NOS1: variants seen among roughly 807,000 people sequenced by gnomAD.
NOS1 encodes the protein NOS type I.
A neutral mutation model predicts 164.5 loss-of-function variants in NOS1; 51 were observed. The observed-to-expected ratio is 0.31, with a 90% CI of 0.25 to 0.39. The LOEUF is 0.39. NOS1 is among the 10% of genes least tolerant of loss of function. NOS1 has a pLI of 1.00. For missense variants in NOS1, 1,362 were observed against 1,885.6 expected (o/e 0.72, Z 5.14); for synonymous variants, 719 against 745.8 (o/e 0.96, Z 0.59).
At chr12:117,264,129 G>T (rs1005762611) in intron 12 of NOS1, among the ~76,000 whole-genome samples, 155 bp from the exon 13 acceptor site, 1 of 136,652 alleles carries the variant, frequency 7.3e-6, no homozygotes, top group African/African-American at 2.7e-5. Context: ...TGGGGGAAGG[G>T]ATGCGGGGTT....
At position 117,220,026 on chromosome 12, in the gene NOS1, G is replaced by C. The variant is rs9658534; in HGVS notation, c.4170+49C>G. The C allele has an allele frequency of 2.4e-3, 3,685 of 1,537,704 alleles. 74 individuals carry two copies. In the African/African-American group the frequency reaches 0.043, roughly 18 times the overall value. On this transcript the variant is annotated intron_variant, in intron 27 of 28. Transcript: ENST00000317775. The stretch of plus-strand genomic sequence containing the variant: ...CAGGTTGGATGAAAAAGGGGGGATA[G>C]GAGAGTGGATGTAGGAAAAGGGACC...
intron 1 of NOS1, among the ~76,000 whole-genome samples, chr12:117,346,661 G>A (rs1279405766): frequency 6.6e-6 from 1 of 152,136 alleles, no homozygotes; most frequent in Non-Finnish European, 1.5e-5. Flanking sequence ...CCAAGGCCCA[G>A]CCCAGACCTA....
At chr12:117,247,232 A>G in intron 18 of NOS1, 116 bp downstream of exon 18, 2 of 826,048 alleles carry the variant, frequency 2.4e-6, no homozygotes, top group Non-Finnish European at 3.7e-6. Flanking sequence ...GGCTGGATAC[A>G]TGGGAGAGGT....
In NOS1 at chr12:117,263,542, T is replaced by C. The variant is rs1427779174; in HGVS notation, c.2222+347A>G. ...GGTCATAGTGGGAATGTTTACATCA[T>C]GGAAACTGGCAAACATGAAAATCAA... On this transcript the variant is annotated intron_variant, in intron 13 of 28. Transcript: ENST00000317775. Among the ~76,000 whole-genome samples the C allele has an allele frequency of 3.3e-5, 5 of 151,468 alleles. No individual in the cohort carries two copies. The South Asian group carries it at 8.3e-4, about 25-fold the overall frequency.
At position 117,243,199 on chromosome 12, in the gene NOS1, C is replaced by T. The variant is rs1405078254; in HGVS notation, c.2962+98G>A. Reference sequence around the variant, plus strand: ...GGACTGCACTAAAGGGAGATCAAAGCAATGAAGCCCATCTTCTCTAAGCAC... The same window carrying T: ...GGACTGCACTAAAGGGAGATCAAAGTAATGAAGCCCATCTTCTCTAAGCAC... On this transcript the variant is annotated intron_variant, in intron 19 of 28. Coordinates refer to ENST00000317775, the MANE Select transcript of NOS1 (RefSeq NM_000620.5). The surrounding 1 kb of genome is among the most constrained non-coding windows in gnomAD (Gnocchi z 4.3). 1 of 1,457,188 alleles carries T rather than the reference C, an allele frequency of 6.9e-7. No homozygotes were observed. The highest frequency in any genetic ancestry group is 2.3e-5 in the East Asian group (1 of 43,956). The allele number at this position is 1,457,188 out of a possible 1,614,324, so 90.3% of individuals were successfully genotyped here. A position where few individuals can be genotyped will look rare whatever the true frequency, so the allele number is the denominator to read the frequency against.
chr12:117,259,642 G>A (rs1017270369), intron 14 of NOS1, among the ~76,000 whole-genome samples: 3 of 152,122 alleles, frequency 2.0e-5, no homozygotes, highest in Non-Finnish European at 2.9e-5. Context: ...TCTCATCATC[G>A]TCTGAGCAAC....
chr12:117,319,198 T>G (rs1371095399), intron 2 of NOS1, among the ~76,000 whole-genome samples: 3 of 151,778 alleles, frequency 2.0e-5, no homozygotes, highest in Non-Finnish European at 4.4e-5. Flanking sequence ...ATTATAGGCA[T>G]GCACCACCAT....
At chr12:117,235,999 C>T (rs1869676262) in intron 20 of NOS1, among the ~76,000 whole-genome samples, 1 of 137,332 alleles carries the variant, frequency 7.3e-6, no homozygotes, top group South Asian at 2.7e-4. Context: ...GCAGAAACTG[C>T]ACCACTGCAT....
rs1224029647 is a variant in NOS1 at position 117,330,386 on chromosome 12, A to C, written c.684T>G (p.Pro228=). The change falls in exon 2 of 29, where the codon CCT becomes CCG. Residue 228 remains proline, a synonymous_variant. Coordinates refer to ENST00000317775, the MANE Select transcript of NOS1 (RefSeq NM_000620.5). The surrounding 1 kb of genome is among the most constrained non-coding windows in gnomAD (Gnocchi z 4.6). Reference sequence around the variant, plus strand: ...CCATATCTTTCATCTCTGCCTTGGCAGGTGCCCCTCCCTTGACCCCTCTGC... The same window carrying C: ...CCATATCTTTCATCTCTGCCTTGGCCGGTGCCCCTCCCTTGACCCCTCTGC... ...SGSRGVKGGA[P]AKAEMKDMGI... The C allele has an allele frequency of 6.2e-7, 1 of 1,613,760 alleles. No individual in the cohort carries two copies. The highest frequency in any genetic ancestry group is 8.5e-7 in the Non-Finnish European group (1 of 1,179,926).
In NOS1 at chr12:117,263,834, G is replaced by C. The variant is rs1872137932; in HGVS notation, c.2222+55C>G. On this transcript the variant is annotated intron_variant, in intron 13 of 28. Coordinates refer to ENST00000317775, the MANE Select transcript of NOS1 (RefSeq NM_000620.5). ...GGAGTCTGCCCAGCCTCCTTCTCTG[G>C]GTTCTCTGAGTTTGTGGGGACATCC... is the stretch of plus-strand genomic sequence containing the variant. 2.7e-5 allele frequency: 36 copies of C among 1,353,930 alleles called. No homozygotes were observed. The South Asian group carries it at 3.6e-4, about 14-fold the overall frequency. The allele number at this position is 1,353,930 out of a possible 1,614,324, so 83.9% of individuals were successfully genotyped here.
At chr12:117,281,348 C>T (rs1383623949) in intron 7 of NOS1, among the ~76,000 whole-genome samples, 9 of 149,498 alleles carry the variant, frequency 6.0e-5, no homozygotes, top group Admixed American at 2.0e-4. Context: ...AGTGAAACCC[C>T]GTCTCTACAA....
chr12:117,276,347 A>C (rs1241352231), intron 9 of NOS1, among the ~76,000 whole-genome samples: 1 of 152,204 alleles, frequency 6.6e-6, no homozygotes, highest in East Asian at 1.9e-4. Flanking sequence ...CACTGGCACA[A>C]CTTGGGCTCA....
chr12:117,240,994 C>T (rs181500453), intron 20 of NOS1, among the ~76,000 whole-genome samples: 181 of 148,244 alleles, frequency 1.2e-3, no homozygotes, highest in African/African-American at 4.1e-3. Context: ...GGCTGGAGTA[C>T]AGTGGTGCAA....
chr12:117,351,570 G>A (rs537525401), intron 1 of NOS1, among the ~76,000 whole-genome samples: 14 of 152,192 alleles, frequency 9.2e-5, no homozygotes, highest in Non-Finnish European at 1.8e-4. Context: ...TGCCCCTTGG[G>A]AGGAGGGATG....
intron 20 of NOS1, among the ~76,000 whole-genome samples, chr12:117,239,828 C>T (rs79667272): frequency 0.011 from 1,745 of 151,970 alleles, 16 homozygotes; most frequent in Non-Finnish European, 0.016. Flanking sequence ...GAGATAAACA[C>T]GGAGGTGTGA....
rs1870288085 is a variant in NOS1, at chr12:117,242,718, A to C, written c.2963-13T>G. ...ACATTGGATAGACCTGTGGGGAGAA[A>C]AACAACAGTCTTCCTGAGAAGGGGT... On this transcript the variant is annotated splice_polypyrimidine_tract_variant and intron_variant, in intron 19 of 28. Transcript: ENST00000317775. The C allele has an allele frequency of 6.2e-7, 1 of 1,612,636 alleles. No homozygotes were observed. Among genetic ancestry groups the C allele is most frequent in the Admixed American group, 1.7e-5 (1 of 59,996 alleles).
intron 12 of NOS1, 111 bp downstream of exon 12, chr12:117,265,205 T>G: frequency 1.1e-6 from 1 of 901,966 alleles, no homozygotes; most frequent in African/African-American, 1.7e-5. Context: ...ACCAGCCACA[T>G]GTGGCTATTG....
intron 2 of NOS1, among the ~76,000 whole-genome samples, chr12:117,321,621 GC>G (rs1383100330): frequency 6.6e-6 from 1 of 152,120 alleles, no homozygotes; most frequent in Non-Finnish European, 1.5e-5. Flanking sequence ...GTTCAAGTGG[GC>G]AAGATCAGAA....
intron 3 of NOS1, among the ~76,000 whole-genome samples, chr12:117,302,485 G>A (rs912529806): frequency 1.3e-5 from 2 of 151,368 alleles, no homozygotes; most frequent in African/African-American, 4.9e-5. Flanking sequence ...TCCCAGCTAC[G>A]CGGGAGGCTG....
Sources: allele counts gnomAD v4.1 joint callset (sites outside exome capture counted in the v4.1 genomes callset), GRCh38; gene constraint gnomAD v4.1.1; non-coding constraint Gnocchi (gnomAD v3.1); transcripts MANE v1.5; gene names NCBI Gene and HGNC (gene_info 2026-07-23, HGNC 2026-07-21).